The following EVC variants were observed in gnomAD, a reference collection of about 807,000 sequenced individuals.
EVC encodes the protein evC complex member EVC.
Under a neutral mutation model 118.9 loss-of-function variants are expected in EVC, and 116 were observed. The ratio of observed to expected loss-of-function variants is 0.98; its 90% CI spans 0.84 to 1.14. EVC has a LOEUF of 1.14. Among genes scored for constraint, EVC ranks in the 50% most tolerant of loss-of-function variants. The probability of loss-of-function intolerance (pLI) is 0.00; values close to 1 mark genes in which losing one functional copy is unlikely to be tolerated. For synonymous variants in EVC, 619 were observed against 534.7 expected (o/e 1.16, Z -2.18); for missense variants, 1,401 against 1,246.4 (o/e 1.12, Z -1.87).
At chr4:5,729,001 T>C (rs6825779) in intron 2 of EVC, among the ~76,000 whole-genome samples, 1 of 151,790 alleles carries the variant, frequency 6.6e-6, no homozygotes, top group Non-Finnish European at 1.5e-5. Flanking sequence ...CCCATCTGTC[T>C]GTCCATCCTT....
In EVC at chr4:5,731,790, G is replaced by C. The variant is rs41269553; in HGVS notation, c.617+133G>C. On this transcript the variant is annotated intron_variant, in intron 4 of 20. Transcript: ENST00000264956. This position sits in a 1 kb window ranked among gnomAD's most constrained non-coding sequence, Gnocchi z 5.6. ...TCTGCCAGGGACACACAGCGACCCA[G>C]CGTCACCATCGGAGCCCCAGAGGCC... 0.06 allele frequency: 54,435 copies of C among 901,290 alleles called. 1,913 individuals are homozygous for C. Among genetic ancestry groups the C allele is most frequent in the African/African-American group, 0.11 (6,408 of 60,738 alleles). The allele number at this position is 901,290 out of a possible 1,614,324, so 55.8% of individuals were successfully genotyped here.
chr4:5,808,437 C>T, intron 18 of EVC, 110 bp downstream of exon 18: 2 of 1,537,580 alleles, frequency 1.3e-6, no homozygotes, highest in Non-Finnish European at 1.8e-6. Context: ...ACTTCCCTGC[C>T]TGTGGCATCG....
At position 5,813,466 on chromosome 4, in the gene EVC, C is replaced by G. The variant is rs1577680761; in HGVS notation, c.*2429C>G. On this transcript the variant is annotated 3_prime_UTR_variant, in exon 21 of 21. Transcript: ENST00000264956. ...CTCATCGTCCACCTGCCTCGGCCTC[C>G]CCAAAGTGCTGAGATTAGGCGTTAG... 1.3e-5 allele frequency: 2 copies of G among 152,184 alleles called. No individual in the cohort carries two copies. The highest frequency in any genetic ancestry group is 2.9e-5 in the Non-Finnish European group (2 of 68,052). 9.4% of individuals were successfully genotyped at this position (152,184 alleles called of 1,614,324 possible).
chr4:5,824,023 G>A, the EVC span, among the ~76,000 whole-genome samples: 1 of 152,228 alleles, frequency 6.6e-6, no homozygotes, highest in Non-Finnish European at 1.5e-5. Context: ...TGGGCCTCAG[G>A]AGGACTAAGA....
At chr4:5,799,481 C>T (rs1037459011) in intron 15 of EVC, among the ~76,000 whole-genome samples, 17 of 152,306 alleles carry the variant, frequency 1.1e-4, no homozygotes, top group African/African-American at 4.1e-4. Context: ...TTTCCAGCCT[C>T]CAACCTAGTG....
intron 15 of EVC, among the ~76,000 whole-genome samples, chr4:5,800,788 TAGA>T: frequency 6.6e-6 from 1 of 152,094 alleles, no homozygotes; most frequent in South Asian, 2.1e-4. Context: ...GCTCGGGAGT[TAGA>T]AGACCAGCTC....
At chr4:5,809,726 C>T (rs914417422) in intron 19 of EVC, 115 bp downstream of exon 19, 10 of 965,488 alleles carry the variant, frequency 1.0e-5, no homozygotes, top group Non-Finnish European at 1.5e-5. Flanking sequence ...TGCCTAGGCT[C>T]TCTGGGCTTT....
In EVC at chr4:5,798,665, T is replaced by A. The variant is rs776577907; in HGVS notation, c.2177T>A (p.Leu726Gln). 2 of 1,594,400 alleles carry A rather than the reference T, an allele frequency of 1.3e-6. No individual in the cohort carries two copies. The highest frequency in any genetic ancestry group is 3.5e-5 in the Admixed American group (2 of 56,992). The change falls in exon 15 of 21, where the codon CTG (leucine) becomes CAG (glutamine). Residue 726 changes from leucine to glutamine, a missense_variant. Coordinates refer to ENST00000264956, the MANE Select transcript of EVC (RefSeq NM_153717.3). This position sits in a 1 kb window ranked among gnomAD's most constrained non-coding sequence, Gnocchi z 4.1. ...QTRLQLQQRL[L>Q]AEAQEVGQLL... ...CGGCTGCAGCTCCAGCAGCGGCTCC[T>A]GGCCGAGGCCCAGGAGGTGGGGCAG... is the stretch of plus-strand genomic sequence containing the variant.
At chr4:5,758,284 A>G (rs1731494021) in intron 11 of EVC, 1 of 576,940 alleles carries the variant, frequency 1.7e-6, no homozygotes, top group Non-Finnish European at 3.1e-6. Flanking sequence ...CGGAACGGTG[A>G]GAGAATAAAC....
At chr4:5,767,293 C>T (rs543577903) in intron 11 of EVC, among the ~76,000 whole-genome samples, 2 of 149,852 alleles carry the variant, frequency 1.3e-5, no homozygotes, top group East Asian at 4.0e-4. Flanking sequence ...AGAACCACTG[C>T]TCTCTTCAAA....
the EVC span, chr4:5,826,951 G>A: frequency 1.3e-5 from 2 of 152,600 alleles, no homozygotes; most frequent in Non-Finnish European, 2.9e-5. Context: ...CCGACTCCCT[G>A]GGCCTCACTG....
chr4:5,767,280 G>T (rs1228632483), intron 11 of EVC, among the ~76,000 whole-genome samples: 1 of 150,666 alleles, frequency 6.6e-6, no homozygotes, highest in African/African-American at 2.4e-5. Context: ...GCTGCATGCT[G>T]GGAGAACCAC....
intron 1 of EVC, among the ~76,000 whole-genome samples, chr4:5,712,814 C>T (rs956687964): frequency 3.3e-5 from 5 of 152,154 alleles, no homozygotes; most frequent in African/African-American, 1.2e-4. Flanking sequence ...TGGCTTGTTG[C>T]ATGGAGAGAG....
rs1419211184 is a variant in EVC at position 5,737,088 on chromosome 4, A to G, written c.702+3653A>G. Among the ~76,000 whole-genome samples, 1 of 152,236 alleles carries G rather than the reference A, an allele frequency of 6.6e-6. No homozygotes were observed. Among genetic ancestry groups the G allele is most frequent in the Non-Finnish European group, 1.5e-5 (1 of 68,036 alleles). On this transcript the variant is annotated intron_variant, in intron 5 of 20. Coordinates refer to ENST00000264956, the MANE Select transcript of EVC (RefSeq NM_153717.3). This position sits in a 1 kb window ranked among gnomAD's most constrained non-coding sequence, Gnocchi z 5.0. The stretch of plus-strand genomic sequence containing the variant: ...CCAGTGAACACACGAATGATCAGAA[A>G]GCAAAACAACCTTATTGCTGATATG...
intron 12 of EVC, 71 bp downstream of exon 12, chr4:5,783,835 C>G (rs929179739): frequency 9.8e-6 from 14 of 1,423,096 alleles, no homozygotes; most frequent in Non-Finnish European, 1.4e-5. Context: ...TGAGAGATCT[C>G]ACGTCCTGAA....
chr4:5,716,543 G>A (rs187390612), intron 1 of EVC, among the ~76,000 whole-genome samples: 11 of 152,288 alleles, frequency 7.2e-5, no homozygotes, highest in Non-Finnish European at 1.2e-4. Context: ...GGCAGCTGAG[G>A]ACCTCAGCCA....
At chr4:5,814,664 CA>C (rs559273569), downstream of EVC, among the ~76,000 whole-genome samples, 1 of 152,304 alleles carries the variant, frequency 6.6e-6, no homozygotes, top group African/African-American at 2.4e-5. Flanking sequence ...CTTCACTCTG[CA>C]CCTGGTCCCT....
At chr4:5,723,074 C>A (rs1725226935) in intron 2 of EVC, among the ~76,000 whole-genome samples, 1 of 152,206 alleles carries the variant, frequency 6.6e-6, no homozygotes, top group Non-Finnish European at 1.5e-5. Context: ...GTAGACAGAT[C>A]AGGTGGAGCC....
intron 11 of EVC, among the ~76,000 whole-genome samples, chr4:5,768,763 A>C (rs1001446100): frequency 1.3e-5 from 2 of 151,484 alleles, no homozygotes; most frequent in Non-Finnish European, 2.9e-5. Context: ...AGGCTGAGGC[A>C]TGAGAATCGC....
Sources: allele counts gnomAD v4.1 joint callset (sites outside exome capture counted in the v4.1 genomes callset), GRCh38; gene constraint gnomAD v4.1.1; non-coding constraint Gnocchi (gnomAD v3.1); transcripts MANE v1.5; gene names NCBI Gene and HGNC (gene_info 2026-07-23, HGNC 2026-07-21).